Variants in PKNOX2 observed in about 807,000 individuals in gnomAD.
The protein encoded by PKNOX2 is homeobox protein PKNOX2.
Under a neutral mutation model 53.1 loss-of-function variants are expected in PKNOX2, and 14 were observed. The observed-to-expected ratio is 0.26, with a 90% CI of 0.17 to 0.41. The LOEUF is 0.41. PKNOX2 is among the 10% of genes least tolerant of loss of function. The pLI, the probability that PKNOX2 is intolerant of heterozygous loss-of-function variation, is 1.00. For missense variants in PKNOX2, 496 were observed against 602.8 expected (o/e 0.82, Z 1.85); for synonymous variants, 257 against 242.8 (o/e 1.06, Z -0.54).
intron 1 of PKNOX2, among the ~76,000 whole-genome samples, chr11:125,205,368 C>T (rs1225968430): frequency 6.6e-6 from 1 of 152,212 alleles, no homozygotes; most frequent in Admixed American, 6.5e-5. Context: ...TCTTTCCCCA[C>T]AACCATGTTC....
At chr11:125,205,259 G>A (rs1477341471) in intron 1 of PKNOX2, among the ~76,000 whole-genome samples, 1 of 152,170 alleles carries the variant, frequency 6.6e-6, no homozygotes, top group Non-Finnish European at 1.5e-5. Flanking sequence ...TCTTTTTAAT[G>A]AAAGTGTATT....
rs765937000 is a variant in PKNOX2, at chr11:125,431,263, T to A, written c.1290T>A (p.Asp430Glu). Residue 430 changes from aspartate to glutamate, a missense_variant, in exon 13 of 13, where the codon GAT becomes GAA. Physicochemically the swap from Asp to Glu is conservative, Grantham distance 45. This residue lies in a region of PKNOX2 where 139 missense variants were observed against 161.3 expected (regional missense o/e 0.86). Coordinates refer to ENST00000298282, the MANE Select transcript of PKNOX2 (RefSeq NM_001382323.2). ...AMMAAHDDSL[D>E]GTEEEDEDEM... ...TGGCTGCACACGATGACTCATTGGATGGGACAGAAGAAGAGGATGAGGATG... is the reference window on the plus strand; with the variant it reads ...TGGCTGCACACGATGACTCATTGGAAGGGACAGAAGAAGAGGATGAGGATG... 3.7e-6 allele frequency: 6 copies of A among 1,613,510 alleles called. No homozygotes were observed. In the South Asian group the frequency reaches 6.6e-5, roughly 18 times the overall value.
intron 2 of PKNOX2, among the ~76,000 whole-genome samples, chr11:125,304,925 A>G (rs890014405): frequency 1.3e-5 from 2 of 152,242 alleles, no homozygotes; most frequent in African/African-American, 4.8e-5. Flanking sequence ...GGGTGTTAGC[A>G]GGAGTTAGCC....
intron 6 of PKNOX2, among the ~76,000 whole-genome samples, chr11:125,388,287 A>C (rs1031389511): frequency 6.6e-6 from 1 of 152,094 alleles, no homozygotes; most frequent in Non-Finnish European, 1.5e-5. Context: ...AGATCGCGTC[A>C]TTATCAGCTC....
intron 1 of PKNOX2, among the ~76,000 whole-genome samples, chr11:125,182,533 T>C (rs1248003353): frequency 6.6e-6 from 1 of 152,222 alleles, no homozygotes; most frequent in Non-Finnish European, 1.5e-5. Flanking sequence ...GTAATAACTA[T>C]GTCATGGTGC....
At chr11:125,187,427 T>C (rs1256701175) in intron 1 of PKNOX2, among the ~76,000 whole-genome samples, 1 of 152,220 alleles carries the variant, frequency 6.6e-6, no homozygotes, top group Non-Finnish European at 1.5e-5. Flanking sequence ...TCTCCTTGGT[T>C]AAATTTATTT....
At chr11:125,218,557 G>A (rs868772501) in intron 1 of PKNOX2, among the ~76,000 whole-genome samples, 17 of 152,308 alleles carry the variant, frequency 1.1e-4, no homozygotes, top group Middle Eastern at 3.4e-3. Context: ...GAGCAAGGCT[G>A]GGAGGTGTAG....
At chr11:125,376,514 G>A (rs958473048) in intron 5 of PKNOX2, among the ~76,000 whole-genome samples, 2 of 152,152 alleles carry the variant, frequency 1.3e-5, no homozygotes, top group Non-Finnish European at 2.9e-5. Context: ...GCCCCCAGCA[G>A]AGCCCCAAAG....
Position 125,346,500 on chromosome 11 carries a change from A to AT in PKNOX2, c.-22-4776dup, listed in dbSNP as rs551085097. Among the ~76,000 whole-genome samples the AT allele has an allele frequency of 1.0e-3, 155 of 152,208 alleles. 1 individual carries two copies. Among genetic ancestry groups the AT allele is most frequent in the African/African-American group, 3.6e-3 (151 of 41,504 alleles). Reference sequence around the variant, plus strand: ...GATTCTACTGGATGTGGAATCCAGAATTTTTTTTACCCCAAGGCCAGGCTT... The same window carrying AT: ...GATTCTACTGGATGTGGAATCCAGAATTTTTTTTTACCCCAAGGCCAGGCTT... On this transcript the variant is annotated intron_variant, in intron 3 of 12. Transcript: ENST00000298282.
chr11:125,227,344 A>C (rs1941787803), intron 1 of PKNOX2, among the ~76,000 whole-genome samples: 2 of 151,936 alleles, frequency 1.3e-5, no homozygotes, highest in South Asian at 2.1e-4. Context: ...GCAAAACTGA[A>C]ACTCCGTAGT....
intron 10 of PKNOX2, among the ~76,000 whole-genome samples, chr11:125,413,247 C>T (rs1471670436): frequency 1.3e-5 from 2 of 152,182 alleles, no homozygotes; most frequent in East Asian, 1.9e-4. Flanking sequence ...TGGAGGGAAC[C>T]CTGTGCCTAG....
intron 6 of PKNOX2, among the ~76,000 whole-genome samples, chr11:125,397,346 C>T (rs945062064): frequency 6.6e-6 from 1 of 152,196 alleles, no homozygotes; most frequent in African/African-American, 2.4e-5. Context: ...GCTCTAGAGG[C>T]ACTTATAAGA....
intron 2 of PKNOX2, among the ~76,000 whole-genome samples, chr11:125,309,534 C>T (rs1004460579): frequency 3.9e-5 from 6 of 151,958 alleles, no homozygotes; most frequent in African/African-American, 4.8e-5. Context: ...ATTAAGGCAC[C>T]GGCCACCACG....
intron 3 of PKNOX2, among the ~76,000 whole-genome samples, chr11:125,333,526 C>T (rs902563906): frequency 6.8e-6 from 1 of 147,858 alleles, no homozygotes; most frequent in Non-Finnish European, 1.5e-5. Context: ...TTTGCCCTCT[C>T]AGTCCCAAGA....
chr11:125,275,641 G>C (rs1276858602), intron 2 of PKNOX2, among the ~76,000 whole-genome samples: 3 of 152,162 alleles, frequency 2.0e-5, no homozygotes, highest in African/African-American at 7.2e-5. Flanking sequence ...ATTGAATGTA[G>C]TTGAGGAAAG....
intron 2 of PKNOX2, among the ~76,000 whole-genome samples, chr11:125,318,702 A>G (rs1949350437): frequency 1.3e-5 from 2 of 152,142 alleles, no homozygotes. Context: ...GCCCTATCTC[A>G]ATGATATGGT....
At chr11:125,327,176 C>T (rs1237094481) in intron 2 of PKNOX2, among the ~76,000 whole-genome samples, 1 of 152,194 alleles carries the variant, frequency 6.6e-6, no homozygotes. Context: ...ATTCCAGAGG[C>T]TCGGTCTTCA....
intron 10 of PKNOX2, among the ~76,000 whole-genome samples, chr11:125,414,221 G>C (rs1003305686): frequency 5.9e-5 from 9 of 152,288 alleles, no homozygotes; most frequent in African/African-American, 2.2e-4. Flanking sequence ...ACAGAGTGAG[G>C]CAGGACCCAG....
At chr11:125,393,418 G>A (rs78058788) in intron 6 of PKNOX2, among the ~76,000 whole-genome samples, 9,686 of 152,146 alleles carry the variant, frequency 0.064, 470 homozygotes, top group African/African-American at 0.13. Context: ...AGAGAATATG[G>A]AGAAGGTCCG....
Sources: gnomAD v4.1 joint callset for allele counts (sites outside exome capture counted in the v4.1 genomes callset) on GRCh38, gnomAD v4.1.1 for gene constraint, gnomAD v4.1.1 regional missense constraint, MANE v1.5 for transcripts, NCBI Gene and HGNC (gene_info 2026-07-23, HGNC 2026-07-21) for gene names.